The following TPO variants were observed in gnomAD, a reference collection of about 807,000 sequenced individuals.
TPO encodes the protein thyroid microsomal antigen.
A neutral mutation model predicts 96.9 loss-of-function variants in TPO; 78 were observed. The ratio of observed to expected loss-of-function variants is 0.81; its 90% CI spans 0.67 to 0.97. TPO has a LOEUF of 0.97. Ranked by LOEUF, TPO falls within the 50% of genes least tolerant of loss-of-function variation. The pLI, the probability that TPO is intolerant of heterozygous loss-of-function variation, is 0.00. For synonymous variants in TPO, 547 were observed against 538.0 expected, an observed-to-expected ratio of 1.02 and a Z score of -0.23; for missense variants, 1,252 against 1,274.8, an observed-to-expected ratio of 0.98 and a Z score of 0.27.
At chr2:1,384,110 G>T (rs1168890496) in intron 1 of TPO, among the ~76,000 whole-genome samples, 2 of 152,178 alleles carry the variant, frequency 1.3e-5, no homozygotes, top group Non-Finnish European at 2.9e-5. Context: ...TGCTGTTTTG[G>T]TTACTGTAGC....
intron 15 of TPO, among the ~76,000 whole-genome samples, chr2:1,526,219 C>A (rs1275727074): frequency 8.6e-6 from 1 of 116,658 alleles, no homozygotes; most frequent in Non-Finnish European, 1.7e-5. Flanking sequence ...TCCTCAAATC[C>A]CCCCGATGTG....
chr2:1,374,725 C>CTTT (rs11292664), intron 1 of TPO, among the ~76,000 whole-genome samples: 2 of 136,794 alleles, frequency 1.5e-5, no homozygotes, highest in African/African-American at 2.7e-5. Flanking sequence ...TTCTTTCTTT[C>CTTT]TTTTTTTTTT....
chr2:1,423,865 G>T (rs1664044798), intron 3 of TPO, among the ~76,000 whole-genome samples: 1 of 152,138 alleles, frequency 6.6e-6, no homozygotes, highest in African/African-American at 2.4e-5. Flanking sequence ...AAAAGAAAGA[G>T]AAACACTATT....
At chr2:1,436,476 G>A in intron 5 of TPO, 92 bp downstream of exon 5, 1 of 1,579,654 alleles carries the variant, frequency 6.3e-7, no homozygotes, top group Non-Finnish European at 8.6e-7. Context: ...CACCACTGGT[G>A]GATCTGTATC....
chr2:1,510,656 TG>T (rs1351950295), intron 14 of TPO, among the ~76,000 whole-genome samples: 1 of 152,114 alleles, frequency 6.6e-6, no homozygotes, highest in Non-Finnish European at 1.5e-5. Context: ...TAAGAGAACT[TG>T]CCCACTACCT....
intron 1 of TPO, among the ~76,000 whole-genome samples, chr2:1,397,443 C>T (rs1163766741): frequency 6.6e-6 from 1 of 152,234 alleles, no homozygotes; most frequent in Non-Finnish European, 1.5e-5. Flanking sequence ...ACACCATTCC[C>T]TCCCCAGGCA....
intron 5 of TPO, among the ~76,000 whole-genome samples, chr2:1,448,380 C>T (rs1002591388): frequency 3.3e-5 from 5 of 152,200 alleles, no homozygotes; most frequent in East Asian, 3.9e-4. Flanking sequence ...CGAGCCCTCC[C>T]GACCCGAGGG....
At chr2:1,388,048 G>C (rs1661929605) in intron 1 of TPO, among the ~76,000 whole-genome samples, 1 of 152,202 alleles carries the variant, frequency 6.6e-6, no homozygotes, top group Non-Finnish European at 1.5e-5. Flanking sequence ...AGCAAATGTT[G>C]CTGTCTGATC....
intron 14 of TPO, among the ~76,000 whole-genome samples, chr2:1,515,153 G>A (rs1674550570): frequency 6.6e-6 from 1 of 152,154 alleles, no homozygotes; most frequent in African/African-American, 2.4e-5. Flanking sequence ...TCCCACCCAG[G>A]CCTCGATCAG....
chr2:1,419,200 C>T (rs543133504), intron 2 of TPO, among the ~76,000 whole-genome samples: 13 of 152,282 alleles, frequency 8.5e-5, no homozygotes, highest in African/African-American at 2.4e-4. Context: ...CAGAGAGCAG[C>T]GGGCGGCTTC....
intron 15 of TPO, among the ~76,000 whole-genome samples, chr2:1,521,962 T>G (rs1050770374): frequency 1.3e-5 from 2 of 152,094 alleles, no homozygotes; most frequent in African/African-American, 4.8e-5. Flanking sequence ...CTCATCTGCT[T>G]TCTCTGGGCA....
intron 15 of TPO, among the ~76,000 whole-genome samples, chr2:1,531,165 C>G (rs767090488): frequency 6.0e-5 from 5 of 83,640 alleles, no homozygotes; most frequent in Non-Finnish European, 9.7e-5. Flanking sequence ...TCCCCAAATC[C>G]CCCCCACTGT....
intron 1 of TPO, among the ~76,000 whole-genome samples, chr2:1,394,359 A>T (rs1181771569): frequency 6.6e-6 from 1 of 152,234 alleles, no homozygotes; most frequent in Non-Finnish European, 1.5e-5. Context: ...AGGGTACATC[A>T]TCGGGCTTCG....
At chr2:1,520,538 G>A (rs138862657) in intron 15 of TPO, among the ~76,000 whole-genome samples, 53 of 152,324 alleles carry the variant, frequency 3.5e-4, no homozygotes, top group African/African-American at 1.2e-3. Context: ...CCTGCTGTCT[G>A]GGGTCTCACA....
chr2:1,421,193 G>A (rs932535282), intron 2 of TPO, among the ~76,000 whole-genome samples: 9 of 152,240 alleles, frequency 5.9e-5, no homozygotes, highest in Admixed American at 1.3e-4. Flanking sequence ...CACGACGGCC[G>A]GGAGCACTGA....
intron 5 of TPO, among the ~76,000 whole-genome samples, chr2:1,448,907 C>G (rs1157812104): frequency 6.6e-6 from 1 of 152,172 alleles, no homozygotes; most frequent in African/African-American, 2.4e-5. Flanking sequence ...ACTGGGTTCC[C>G]CTGACGCCCG....
At chr2:1,483,944 G>C (rs866129560) in intron 8 of TPO, among the ~76,000 whole-genome samples, 1 of 152,170 alleles carries the variant, frequency 6.6e-6, no homozygotes, top group African/African-American at 2.4e-5. Context: ...TAAGCTAAAA[G>C]AGAAGATTCA....
intron 15 of TPO, 95 bp from the exon 16 acceptor site, chr2:1,540,499 C>T: frequency 1.9e-6 from 3 of 1,598,824 alleles, no homozygotes; most frequent in South Asian, 2.2e-5. Flanking sequence ...CAAAGACAAG[C>T]ACGGCTGCCT....
intron 1 of TPO, among the ~76,000 whole-genome samples, chr2:1,395,248 C>G (rs1490235527): frequency 1.3e-5 from 2 of 152,094 alleles, no homozygotes; most frequent in African/African-American, 2.4e-5. Context: ...GAATAAGAAA[C>G]TCATTTCCCC....
Sources: gnomAD v4.1 joint callset for allele counts (sites outside exome capture counted in the v4.1 genomes callset) on GRCh38, gnomAD v4.1.1 for gene constraint, MANE v1.5 for transcripts, NCBI Gene and HGNC (gene_info 2026-07-23, HGNC 2026-07-21) for gene names.